The following LRBA variants were observed in gnomAD, a reference collection of about 807,000 sequenced individuals.
LRBA encodes LPS responsive beige-like anchor protein.
A neutral mutation model predicts 330.0 loss-of-function variants in LRBA; 176 were observed. The observed-to-expected ratio is 0.53, with a 90% confidence interval of 0.47 to 0.60. The LOEUF (loss-of-function observed/expected upper bound fraction) is 0.60, where lower values mean the gene tolerates loss of function less well. LRBA is among the 20% of genes least tolerant of loss of function. LRBA has a pLI of 0.00. For missense variants in LRBA, 3,259 were observed against 3,444.8 expected, an observed-to-expected ratio of 0.95 and a Z score of 1.35; for synonymous variants, 1,230 against 1,193.0, an observed-to-expected ratio of 1.03 and a Z score of -0.64.
chr4:150,330,730 G>A (rs1380327039), intron 48 of LRBA, among the ~76,000 whole-genome samples: 6 of 152,156 alleles, frequency 3.9e-5, no homozygotes, highest in Non-Finnish European at 8.8e-5. Flanking sequence ...GTTCCTAACA[G>A]GCTGTGGCTC....
intron 48 of LRBA, among the ~76,000 whole-genome samples, chr4:150,328,277 G>A (rs1733549523): frequency 6.6e-6 from 1 of 152,182 alleles, no homozygotes; most frequent in African/African-American, 2.4e-5. Flanking sequence ...CAACGTGATA[G>A]TGATAACCAT....
Position 150,874,369 on chromosome 4 carries a change from T to C in LRBA, c.2166-1614A>G, listed in dbSNP as rs550465172. ...CAGGGACCAACAGCAGGATGCCATT[T>C]TGAATTCAAGCACACACAATTCAAA... On this transcript the variant is annotated intron_variant, in intron 17 of 56. Transcript: ENST00000651943. Among the ~76,000 whole-genome samples, 196 of 152,250 alleles carry C rather than the reference T, an allele frequency of 1.3e-3. 2 individuals are homozygous for C. Among genetic ancestry groups the C allele is most frequent in the Admixed American group, 0.013 (196 of 15,288 alleles).
intron 49 of LRBA, among the ~76,000 whole-genome samples, chr4:150,323,075 C>T (rs1177823056): frequency 6.7e-6 from 1 of 148,404 alleles, no homozygotes; most frequent in Non-Finnish European, 1.5e-5. Context: ...TTACTAAAAA[C>T]AATAAATATG....
intron 37 of LRBA, among the ~76,000 whole-genome samples, chr4:150,602,044 G>A (rs201803029): frequency 4.4e-5 from 2 of 45,804 alleles, no homozygotes; most frequent in South Asian, 5.4e-4. Context: ...TAGAATAAAC[G>A]ACCTGTAATA....
chr4:151,011,120 G>C (rs1253566353), intron 2 of LRBA, among the ~76,000 whole-genome samples: 2 of 151,602 alleles, frequency 1.3e-5, no homozygotes, highest in Admixed American at 1.3e-4. Flanking sequence ...CCAGGAGGCG[G>C]AGCTTGCAGT....
intron 40 of LRBA, among the ~76,000 whole-genome samples, chr4:150,509,756 A>T (rs1761614788): frequency 6.6e-6 from 1 of 152,242 alleles, no homozygotes; most frequent in Non-Finnish European, 1.5e-5. Context: ...AGAGACATCA[A>T]AACAGATTTT....
intron 47 of LRBA, among the ~76,000 whole-genome samples, chr4:150,391,366 G>A (rs1467604894): frequency 6.6e-6 from 1 of 152,150 alleles, no homozygotes; most frequent in Non-Finnish European, 1.5e-5. Flanking sequence ...TTTTTGGTCT[G>A]TATGAAAGAT....
At chr4:150,790,802 CA>C (rs1451968864) in intron 34 of LRBA, among the ~76,000 whole-genome samples, 2 of 152,124 alleles carry the variant, frequency 1.3e-5, no homozygotes, top group African/African-American at 4.8e-5. Context: ...AGCATTTCAG[CA>C]AAGAATACCT....
In LRBA at chr4:150,559,673, T is replaced by A. The variant is rs1192093231; in HGVS notation, c.6330+28375A>T. ...TAATATATAATTATAATATATATAT[T>A]ATATAATATATTATATTATATATTA... On this transcript the variant is annotated intron_variant, in intron 40 of 56. Coordinates refer to ENST00000651943, the MANE Select transcript of LRBA (RefSeq NM_001364905.1). 1.4e-3 allele frequency among the ~76,000 whole-genome samples: 121 copies of A among 84,926 alleles called. 1 individual carries two copies. The highest frequency in any genetic ancestry group is 4.9e-4 in the African/African-American group (10 of 20,472). 55.7% of individuals were successfully genotyped at this position (84,926 alleles called of 152,430 possible).
chr4:151,006,888 T>C (rs1368573331), intron 2 of LRBA, among the ~76,000 whole-genome samples: 1 of 152,174 alleles, frequency 6.6e-6, no homozygotes, highest in Non-Finnish European at 1.5e-5. Flanking sequence ...ATATAACCAA[T>C]AATATCTACT....
At position 150,825,354 on chromosome 4, in the gene LRBA, C is replaced by T. The variant is rs1364971790; in HGVS notation, c.5171+2826G>A. Among the ~76,000 whole-genome samples the T allele has an allele frequency of 3.3e-5, 5 of 152,112 alleles. No individual in the cohort carries two copies. In the East Asian group the frequency reaches 5.8e-4, roughly 18 times the overall value. ...GTGTGACACTAGTCATCTCAGAGCACGCAGTTCATCTCTTTTTATGGGGCA... is the reference window on the plus strand; with the variant it reads ...GTGTGACACTAGTCATCTCAGAGCATGCAGTTCATCTCTTTTTATGGGGCA... On this transcript the variant is annotated intron_variant, in intron 30 of 56. Coordinates refer to ENST00000651943, the MANE Select transcript of LRBA (RefSeq NM_001364905.1).
intron 47 of LRBA, among the ~76,000 whole-genome samples, chr4:150,405,296 A>AGG (rs1178400112): frequency 4.6e-5 from 7 of 152,206 alleles, no homozygotes; most frequent in Non-Finnish European, 8.8e-5. Context: ...AATACAGAAA[A>AGG]GGCTATTTAA....
Position 150,576,164 on chromosome 4 carries a change from T to TAAA in LRBA, c.6330+11881_6330+11883dup, listed in dbSNP as rs33976355. Among the ~76,000 whole-genome samples, 212 of 142,842 alleles carry TAAA rather than the reference T, an allele frequency of 1.5e-3. 2 individuals carry two copies. The highest frequency in any genetic ancestry group is 7.2e-3 in the Middle Eastern group (2 of 278). 93.7% of individuals were successfully genotyped at this position (142,842 alleles called of 152,430 possible). A position where few individuals can be genotyped will look rare whatever the true frequency, so the allele number is the denominator to read the frequency against. On this transcript the variant is annotated intron_variant, in intron 40 of 56. Transcript: ENST00000651943. ...ACATTAATAAGTTCAAACTGGTTTT[T>TAAA]AAAAAAAAAAAAAGGAGGAGGGGAG...
chr4:150,887,414 G>C (rs1729051874), intron 17 of LRBA, among the ~76,000 whole-genome samples: 1 of 152,042 alleles, frequency 6.6e-6, no homozygotes, highest in South Asian at 2.1e-4. Flanking sequence ...TTTCTTTGGA[G>C]ACCCAAAGTG....
intron 2 of LRBA, among the ~76,000 whole-genome samples, chr4:151,011,471 G>A (rs187813460): frequency 4.0e-5 from 6 of 151,596 alleles, no homozygotes; most frequent in South Asian, 2.1e-4. Flanking sequence ...CATGGCGCAC[G>A]CCTGTGGTCC....
intron 40 of LRBA, among the ~76,000 whole-genome samples, chr4:150,551,737 T>C (rs769464663): frequency 2.0e-5 from 3 of 152,144 alleles, no homozygotes; most frequent in Non-Finnish European, 4.4e-5. Flanking sequence ...TCATAAGTTA[T>C]ACATGAGAGA....
intron 53 of LRBA, among the ~76,000 whole-genome samples, chr4:150,289,096 G>A (rs1275700914): frequency 6.6e-6 from 1 of 152,120 alleles, no homozygotes; most frequent in Non-Finnish European, 1.5e-5. Flanking sequence ...TTGAAATACT[G>A]AGCATTTTCT....
intron 50 of LRBA, among the ~76,000 whole-genome samples, chr4:150,320,934 A>C (rs1055119143): frequency 2.6e-5 from 4 of 152,186 alleles, no homozygotes; most frequent in African/African-American, 9.6e-5. Context: ...TCATTATATT[A>C]AAATACTATA....
Position 150,266,098 on chromosome 4 carries a change from T to C in LRBA, c.8469-286A>G, listed in dbSNP as rs935619968. Among the ~76,000 whole-genome samples, 12 of 56,002 alleles carry C rather than the reference T, an allele frequency of 2.1e-4. 1 individual carries two copies. Among genetic ancestry groups the C allele is most frequent in the African/African-American group, 3.9e-4 (9 of 23,058 alleles). 36.7% of individuals were successfully genotyped at this position (56,002 alleles called of 152,430 possible). A position where few individuals can be genotyped will look rare whatever the true frequency, so the allele number is the denominator to read the frequency against. ...AGTAACTAAAATCTGAACAGATTTG[T>C]AACTAAAATCTGAACAGATTTGGTA... On this transcript the variant is annotated intron_variant, in intron 56 of 56. Transcript: ENST00000651943.
Sources: allele counts gnomAD v4.1 joint callset (sites outside exome capture counted in the v4.1 genomes callset), GRCh38; gene constraint gnomAD v4.1.1; transcripts MANE v1.5; gene names NCBI Gene and HGNC (gene_info 2026-07-23, HGNC 2026-07-21).